Variants in GLIS1 observed in about 807,000 individuals in gnomAD.
GLIS1 encodes zinc finger protein GLIS1.
Under a neutral mutation model 63.8 loss-of-function variants are expected in GLIS1, and 24 were observed. The ratio of observed to expected loss-of-function variants is 0.38; its 90% CI spans 0.27 to 0.53. GLIS1 has a LOEUF of 0.53. GLIS1 is among the 20% of genes least tolerant of loss of function. The pLI, the probability that GLIS1 is intolerant of heterozygous loss-of-function variation, is 0.85. For missense variants in GLIS1, 1,036 were observed against 1,074.1 expected (o/e 0.96, Z 0.50); for synonymous variants, 450 against 482.5 (o/e 0.93, Z 0.88).
intron 2 of GLIS1, among the ~76,000 whole-genome samples, chr1:53,709,411 TACACACAC>T (rs57887584): frequency 3.6e-3 from 54 of 14,874 alleles, no homozygotes; most frequent in Admixed American, 6.8e-3. Flanking sequence ...CATATATATA[TACACACAC>T]ACACACACAC....
chr1:53,700,338 C>A (rs1646510168), intron 2 of GLIS1, among the ~76,000 whole-genome samples: 1 of 152,104 alleles, frequency 6.6e-6, no homozygotes, highest in East Asian at 1.9e-4. Context: ...GAAACCAAGA[C>A]CTAGAGGAAG....
intron 2 of GLIS1, among the ~76,000 whole-genome samples, chr1:53,657,572 T>G (rs542851645): frequency 6.6e-6 from 1 of 152,204 alleles, no homozygotes; most frequent in South Asian, 2.1e-4. Flanking sequence ...AGCTACCACG[T>G]GAGAAGCCTG....
intron 2 of GLIS1, among the ~76,000 whole-genome samples, chr1:53,615,909 T>C (rs1645477829): frequency 2.0e-5 from 3 of 151,966 alleles, no homozygotes; most frequent in Non-Finnish European, 4.4e-5. Flanking sequence ...CAACCACACC[T>C]GGCTAATTTT....
At chr1:53,571,379 T>C (rs1318906312) in intron 4 of GLIS1, among the ~76,000 whole-genome samples, 1 of 152,170 alleles carries the variant, frequency 6.6e-6, no homozygotes, top group Admixed American at 6.5e-5. Context: ...TAGGCACACA[T>C]TCTAGTGAAA....
chr1:53,715,391 C>T (rs1440809992), intron 2 of GLIS1, among the ~76,000 whole-genome samples: 1 of 152,118 alleles, frequency 6.6e-6, no homozygotes, highest in Admixed American at 6.6e-5. Flanking sequence ...TCAGCATGGT[C>T]CAAGTGTGGC....
At chr1:53,726,186 G>A (rs947565672) in intron 2 of GLIS1, among the ~76,000 whole-genome samples, 1 of 152,144 alleles carries the variant, frequency 6.6e-6, no homozygotes, top group Admixed American at 6.5e-5. Flanking sequence ...GGGTAACATT[G>A]GACCCAAGGC....
intron 4 of GLIS1, among the ~76,000 whole-genome samples, chr1:53,581,235 G>A (rs1246391190): frequency 6.6e-6 from 1 of 152,206 alleles, no homozygotes; most frequent in Non-Finnish European, 1.5e-5. Context: ...ACTGGGCACT[G>A]GGCTGGCCTC....
At chr1:53,517,490 T>C (rs758864277) in intron 7 of GLIS1, among the ~76,000 whole-genome samples, 6 of 152,070 alleles carry the variant, frequency 3.9e-5, no homozygotes, top group African/African-American at 1.4e-4. Context: ...TGAACCAATT[T>C]GGGGGCCTGA....
intron 2 of GLIS1, among the ~76,000 whole-genome samples, chr1:53,728,141 G>A (rs1646823786): frequency 1.3e-5 from 2 of 152,258 alleles, no homozygotes; most frequent in Admixed American, 6.5e-5. Context: ...TAAGTAAATA[G>A]GAAATTGCCA....
At chr1:53,693,763 C>T (rs1320339171) in intron 2 of GLIS1, among the ~76,000 whole-genome samples, 2 of 152,190 alleles carry the variant, frequency 1.3e-5, no homozygotes, top group East Asian at 3.9e-4. Context: ...GCTCTGTTAC[C>T]ACCGCACTGG....
chr1:53,507,483 G>A (rs1644247036), intron 10 of GLIS1, among the ~76,000 whole-genome samples: 1 of 152,224 alleles, frequency 6.6e-6, no homozygotes, highest in Non-Finnish European at 1.5e-5. Flanking sequence ...CTTGGGAGGG[G>A]CCGGGAGGGG....
chr1:53,682,735 T>C (rs889097372), intron 2 of GLIS1, among the ~76,000 whole-genome samples: 6 of 152,204 alleles, frequency 3.9e-5, no homozygotes, highest in Non-Finnish European at 7.3e-5. Context: ...CAGTAGCTCA[T>C]TCAATCAGAC....
intron 4 of GLIS1, among the ~76,000 whole-genome samples, chr1:53,576,696 C>A (rs1208723763): frequency 6.6e-6 from 1 of 152,126 alleles, no homozygotes; most frequent in African/African-American, 2.4e-5. Flanking sequence ...AGGCAATGAC[C>A]ACAACGTGCA....
At chr1:53,510,091 C>G (rs1644284074) in intron 8 of GLIS1, 64 bp from the exon 9 acceptor site, 1 of 975,202 alleles carries the variant, frequency 1.0e-6, no homozygotes, top group Non-Finnish European at 1.3e-6. Context: ...AGAGGCAGGG[C>G]TGCTGCGGCT....
intron 2 of GLIS1, among the ~76,000 whole-genome samples, chr1:53,727,682 A>C (rs1183095707): frequency 6.6e-6 from 1 of 152,162 alleles, no homozygotes. Context: ...GCTTGCAACG[A>C]AAGAGCCTGC....
chr1:53,541,322 C>T (rs76982855), intron 4 of GLIS1, among the ~76,000 whole-genome samples: 3,864 of 152,322 alleles, frequency 0.025, 153 homozygotes, highest in African/African-American at 0.083. Flanking sequence ...TTAAATTGGT[C>T]TGGCCTGCCA....
chr1:53,519,230 G>A (rs532912696), intron 7 of GLIS1, among the ~76,000 whole-genome samples: 81 of 152,294 alleles, frequency 5.3e-4, no homozygotes, highest in African/African-American at 1.9e-3. Context: ...GGGTCCTCTA[G>A]CTAGACGTGA....
At chr1:53,533,686 C>T (rs529624049) in intron 4 of GLIS1, among the ~76,000 whole-genome samples, 71 of 152,326 alleles carry the variant, frequency 4.7e-4, no homozygotes, top group Middle Eastern at 6.8e-3. Context: ...CAGAGTCATG[C>T]CCCATCAGGA....
At chr1:53,523,901 G>A (rs985307945) in intron 6 of GLIS1, among the ~76,000 whole-genome samples, 1 of 152,140 alleles carries the variant, frequency 6.6e-6, no homozygotes, top group African/African-American at 2.4e-5. Flanking sequence ...TCCTCACTGC[G>A]CTGCTTGGCC....
Sources: gnomAD v4.1 joint callset for allele counts (sites outside exome capture counted in the v4.1 genomes callset) on GRCh38, gnomAD v4.1.1 for gene constraint, MANE v1.5 for transcripts, NCBI Gene and HGNC (gene_info 2026-07-23, HGNC 2026-07-21) for gene names.